The following APLP2 variants were observed in gnomAD, a reference collection of about 807,000 sequenced individuals.
The protein encoded by APLP2 is CDEI box-binding protein.
APLP2 carries 53 observed loss-of-function variants against 89.9 expected under a neutral mutation model. The observed-to-expected ratio is 0.59, with a 90% CI of 0.47 to 0.74. The LOEUF (loss-of-function observed/expected upper bound fraction) is 0.74. APLP2 is among the 30% of genes least tolerant of loss of function. The probability of loss-of-function intolerance (pLI) is 0.00; values close to 1 mark genes in which losing one functional copy is unlikely to be tolerated. For synonymous variants in APLP2, 372 were observed against 348.6 expected (o/e 1.07, Z -0.75); for missense variants, 973 against 975.9 (o/e 1.00, Z 0.04).
chr11:130,120,970 A>C, intron 4 of APLP2, 152 bp downstream of exon 4: 1 of 648,690 alleles, frequency 1.5e-6, no homozygotes, highest in Non-Finnish European at 2.8e-6. Context: ...TAAGTTAGAA[A>C]TATTTGGGAG....
rs1949831520 is a variant in APLP2 at position 130,121,642 on chromosome 11, A to G, written c.545A>G (p.Tyr182Cys). ...EACLTQGMTL[Y>C]SYGMLLPCGV... is the part of the protein sequence containing the mutation. ...TGTCTGACTCAGGGAATGACCTTAT[A>G]TAGCTACGGCATGCTGCTCCCATGT... The change falls in exon 5 of 17, where the codon TAT (tyrosine) becomes TGT (cysteine). Residue 182 changes from tyrosine (Y) to cysteine (C), a missense_variant. Physicochemically the swap from Tyr to Cys is radical, Grantham distance 194. Transcript: ENST00000338167. 2.5e-6 allele frequency: 4 copies of G among 1,614,112 alleles called. No homozygotes were observed. Among genetic ancestry groups the G allele is most frequent in the East Asian group, 2.2e-5 (1 of 44,886 alleles).
intron 7 of APLP2, 69 bp from the exon 8 acceptor site, chr11:130,126,631 G>C (rs900337232): frequency 2.3e-5 from 37 of 1,585,670 alleles, no homozygotes; most frequent in African/African-American, 4.0e-5. Context: ...CAGGTCCTGA[G>C]CTGGGTTTTC....
At chr11:130,073,633 G>C (rs1941556947) in intron 1 of APLP2, among the ~76,000 whole-genome samples, 1 of 152,188 alleles carries the variant, frequency 6.6e-6, no homozygotes, top group Non-Finnish European at 1.5e-5. Context: ...ACGAGGTCAG[G>C]AGTTCGAGAC....
intron 1 of APLP2, among the ~76,000 whole-genome samples, chr11:130,091,709 C>T (rs1487623781): frequency 2.1e-4 from 28 of 131,710 alleles, no homozygotes; most frequent in East Asian, 7.7e-4. Context: ...GGCGGCTGGC[C>T]GGGCGGGGGG....
chr11:130,101,958 C>T (rs540799664), intron 1 of APLP2: 36 of 456,220 alleles, frequency 7.9e-5, no homozygotes, highest in South Asian at 5.4e-4. Context: ...CCCGGTCTTT[C>T]CTGATCAGCA....
intron 1 of APLP2, among the ~76,000 whole-genome samples, chr11:130,102,675 A>G (rs2135707432): frequency 6.6e-6 from 1 of 152,330 alleles, no homozygotes; most frequent in Middle Eastern, 3.4e-3. Flanking sequence ...CAGGAGTTGC[A>G]TCACTTGAGG....
intron 1 of APLP2, among the ~76,000 whole-genome samples, chr11:130,103,333 A>T (rs915432611): frequency 2.0e-4 from 31 of 151,994 alleles, no homozygotes; most frequent in African/African-American, 6.1e-4. Flanking sequence ...GACCACAAGG[A>T]TTAATCTTTC....
chr11:130,129,987 A>G (rs1230731610), intron 10 of APLP2, 51 bp from the exon 11 acceptor site: 5 of 1,585,468 alleles, frequency 3.2e-6, no homozygotes, highest in Non-Finnish European at 4.3e-6. Context: ...TTTCCTGCCT[A>G]TTTTCAATTC....
intron 1 of APLP2, among the ~76,000 whole-genome samples, chr11:130,073,207 A>C (rs1191639148): frequency 6.6e-6 from 1 of 152,242 alleles, no homozygotes; most frequent in East Asian, 1.9e-4. Flanking sequence ...TTAAAATCTC[A>C]ATTTTTGTAT....
chr11:130,137,730 T>G (rs1476900967), intron 13 of APLP2, among the ~76,000 whole-genome samples: 1 of 152,240 alleles, frequency 6.6e-6, no homozygotes, highest in African/African-American at 2.4e-5. Context: ...ATCTTTTCTT[T>G]TTGGCTCTCC....
chr11:130,130,180 A>C lies in APLP2; in HGVS notation c.1584+14A>C. On this transcript the variant is annotated intron_variant, in intron 11 of 16. Transcript: ENST00000338167. ...ATGAAATCCCAGGTACAGTAGATGT[A>C]GTAGAAATTGCTGCCGTGAGGGCAT... 1 of 1,614,232 alleles carries C rather than the reference A, an allele frequency of 6.2e-7. No homozygotes were observed. The highest frequency in any genetic ancestry group is 8.5e-7 in the Non-Finnish European group (1 of 1,180,036).
intron 7 of APLP2, among the ~76,000 whole-genome samples, chr11:130,125,018 G>T (rs1275816031): frequency 6.6e-6 from 1 of 152,170 alleles, no homozygotes; most frequent in Non-Finnish European, 1.5e-5. Context: ...TAAAACTCCC[G>T]TTTGCTGTGG....
intron 1 of APLP2, among the ~76,000 whole-genome samples, chr11:130,098,265 T>G (rs1257645361): frequency 6.6e-6 from 1 of 151,752 alleles, no homozygotes; most frequent in East Asian, 1.9e-4. Flanking sequence ...ATTAGCCGGG[T>G]GTGGTGGCAC....
intron 3 of APLP2, among the ~76,000 whole-genome samples, chr11:130,117,919 A>C (rs917172322): frequency 3.3e-5 from 5 of 152,078 alleles, no homozygotes; most frequent in Non-Finnish European, 7.4e-5. Context: ...TACTAAAAAT[A>C]CAAAAAAATT....
In APLP2 at chr11:130,121,668, G is replaced by T. The variant is rs148916176; in HGVS notation, c.571G>T (p.Gly191Trp). The part of the protein sequence containing the change: ...LYSYGMLLPC[G>W]VDQFHGTEYV... ...TAGCTACGGCATGCTGCTCCCATGT[G>T]GGGTAGACCAGTTCCATGGCACTGA... Residue 191 changes from glycine (G) to tryptophan (W), a missense_variant, in exon 5 of 17, where the codon GGG becomes TGG. By Grantham distance (184) the Gly-to-Trp change is radical. Transcript: ENST00000338167. The T allele has an allele frequency of 3.7e-6, 6 of 1,613,980 alleles. No individual in the cohort carries two copies. Among genetic ancestry groups the T allele is most frequent in the Admixed American group, 1.7e-5 (1 of 59,990 alleles).
In APLP2 at chr11:130,136,762, C is replaced by T. The variant is rs947112725; in HGVS notation, c.1837+1047C>T. On this transcript the variant is annotated intron_variant, in intron 13 of 16. Coordinates refer to ENST00000338167, the MANE Select transcript of APLP2 (RefSeq NM_001142276.2). ...AGGCGCCATGCCACCCGCAAATCTC[C>T]GTGGGTTTTTGGGGTGGTAGATGAA... Among the ~76,000 whole-genome samples, 6 of 152,156 alleles carry T rather than the reference C, an allele frequency of 3.9e-5. 1 individual carries two copies. The highest frequency in any genetic ancestry group is 2.0e-4 in the Admixed American group (3 of 15,282).
intron 1 of APLP2, among the ~76,000 whole-genome samples, chr11:130,099,963 A>G (rs973651820): frequency 2.0e-5 from 3 of 152,336 alleles, no homozygotes; most frequent in Admixed American, 1.3e-4. Context: ...AGCCGTCGGT[A>G]TGTTAATAAC....
chr11:130,070,306 C>T (rs899125448), intron 1 of APLP2, among the ~76,000 whole-genome samples: 13 of 151,300 alleles, frequency 8.6e-5, no homozygotes, highest in Admixed American at 2.6e-4. Context: ...AAATGAAAGG[C>T]GTCGGGGCTG....
chr11:130,131,343 C>G (rs1486228988), intron 11 of APLP2, among the ~76,000 whole-genome samples: 1 of 152,204 alleles, frequency 6.6e-6, no homozygotes, highest in Non-Finnish European at 1.5e-5. Flanking sequence ...AGGTAATCCG[C>G]CCACCTCTGC....
Sources: allele counts gnomAD v4.1 joint callset (sites outside exome capture counted in the v4.1 genomes callset), GRCh38; gene constraint gnomAD v4.1.1; transcripts MANE v1.5; gene names NCBI Gene and HGNC (gene_info 2026-07-23, HGNC 2026-07-21).